The following DOCK3 variants were observed in gnomAD, a reference collection of about 807,000 sequenced individuals.
DOCK3 encodes dedicator of cytokinesis protein 3.
In DOCK3, 60 loss-of-function variants were observed where a neutral mutation model predicts 265.6. That is an observed-to-expected ratio of 0.23 (90% CI 0.18 to 0.28). The LOEUF is 0.28. DOCK3 is among the 10% of genes least tolerant of loss of function. The pLI is 1.00. For synonymous variants in DOCK3, 881 were observed against 938.0 expected (o/e 0.94, Z 1.11); for missense variants, 1,981 against 2,594.3 (o/e 0.76, Z 5.14).
At chr3:50,729,356 T>TTTA (rs145341949) in intron 1 of DOCK3, among the ~76,000 whole-genome samples, 5 of 141,734 alleles carry the variant, frequency 3.5e-5, no homozygotes, top group East Asian at 2.1e-4. Flanking sequence ...TTTATTTTTA[T>TTTA]TTTATTTATT....
At chr3:50,853,987 C>G (rs2046459200) in intron 3 of DOCK3, among the ~76,000 whole-genome samples, 1 of 151,574 alleles carries the variant, frequency 6.6e-6, no homozygotes, top group South Asian at 2.1e-4. Context: ...TATTATTTGA[C>G]TTTTTAATAA....
chr3:50,886,260 G>A (rs1340128214), intron 3 of DOCK3, among the ~76,000 whole-genome samples: 2 of 149,934 alleles, frequency 1.3e-5, no homozygotes, highest in Middle Eastern at 3.2e-3. Flanking sequence ...ATACTGAAAA[G>A]TATGTTTATT....
chr3:51,175,092 C>T (rs553061917), intron 12 of DOCK3, among the ~76,000 whole-genome samples: 1 of 152,314 alleles, frequency 6.6e-6, no homozygotes, highest in African/African-American at 2.4e-5. Context: ...GCAGGCAGGA[C>T]TAGCCCCAGA....
At chr3:50,900,561 T>G (rs2049135780) in intron 4 of DOCK3, 3 of 345,622 alleles carry the variant, frequency 8.7e-6, no homozygotes, top group Non-Finnish European at 1.7e-5. Flanking sequence ...GGCATTCTGA[T>G]TTTTGGAATT....
chr3:50,925,773 T>C (rs2050722286), intron 4 of DOCK3, among the ~76,000 whole-genome samples: 1 of 151,392 alleles, frequency 6.6e-6, no homozygotes, highest in African/African-American at 2.4e-5. Context: ...TAGGTAAAAC[T>C]GTTCTTAAAG....
intron 35 of DOCK3, among the ~76,000 whole-genome samples, chr3:51,336,502 G>T (rs1487125743): frequency 2.0e-5 from 3 of 152,128 alleles, no homozygotes; most frequent in Middle Eastern, 3.2e-3. Context: ...CACTGATGTA[G>T]TCCCCAGCCA....
Position 51,280,218 on chromosome 3 carries a change from C to T in DOCK3, c.2922+14C>T, listed in dbSNP as rs759689868. On this transcript the variant is annotated intron_variant, in intron 27 of 52. Transcript: ENST00000266037. Reference sequence around the variant, plus strand: ...GATGAACTCAAGGTAGGCAGTAGAACACCTTTCCTCTGGGAGAGGAAGTGT... The same window carrying T: ...GATGAACTCAAGGTAGGCAGTAGAATACCTTTCCTCTGGGAGAGGAAGTGT... The T allele has an allele frequency of 8.7e-6, 14 of 1,609,134 alleles. No homozygotes were observed. Among genetic ancestry groups the T allele is most frequent in the Non-Finnish European group, 1.1e-5 (13 of 1,176,838 alleles).
Position 51,016,644 on chromosome 3 carries a change from TTTA to T in DOCK3, c.316-47802_316-47800del, listed in dbSNP as rs1559944841. Among the ~76,000 whole-genome samples, 5 of 15,632 alleles carry T rather than the reference TTTA, an allele frequency of 3.2e-4. 1 individual carries two copies. The highest frequency in any genetic ancestry group is 3.9e-4 in the African/African-American group (1 of 2,546). 10.3% of individuals were successfully genotyped at this position (15,632 alleles called of 152,430 possible). ...ATATATATAATATATATGATATATA[TTTA>T]TATGTTTATATATATTATATGATAT... is the stretch of plus-strand genomic sequence containing the variant. On this transcript the variant is annotated intron_variant, in intron 5 of 52. Transcript: ENST00000266037.
chr3:51,144,790 T>C (rs1485252801), intron 9 of DOCK3, among the ~76,000 whole-genome samples: 1 of 152,190 alleles, frequency 6.6e-6, no homozygotes, highest in Non-Finnish European at 1.5e-5. Flanking sequence ...TAATAACAAT[T>C]TGTAGACGGA....
intron 5 of DOCK3, among the ~76,000 whole-genome samples, chr3:50,958,702 C>G (rs971119252): frequency 2.0e-5 from 3 of 152,108 alleles, no homozygotes; most frequent in Non-Finnish European, 4.4e-5. Context: ...CAAGGTTGCT[C>G]CACGTTGCTG....
chr3:51,207,884 A>G (rs1313399876), intron 12 of DOCK3, among the ~76,000 whole-genome samples: 1 of 151,872 alleles, frequency 6.6e-6, no homozygotes, highest in Non-Finnish European at 1.5e-5. Flanking sequence ...GGCTGTGGGA[A>G]CTCCCTAAGT....
chr3:51,331,736 T>A (rs548560649), intron 33 of DOCK3, among the ~76,000 whole-genome samples: 3 of 152,242 alleles, frequency 2.0e-5, no homozygotes, highest in African/African-American at 7.2e-5. Context: ...GGTGGGAGGA[T>A]TGCTTGAACC....
At chr3:50,814,316 G>T (rs1055785273) in intron 2 of DOCK3, among the ~76,000 whole-genome samples, 2 of 151,994 alleles carry the variant, frequency 1.3e-5, no homozygotes, top group African/African-American at 4.8e-5. Context: ...GCCCAGGCTG[G>T]AGTTCAGTGG....
chr3:51,110,484 A>T (rs1049307822), intron 9 of DOCK3, among the ~76,000 whole-genome samples: 1 of 152,170 alleles, frequency 6.6e-6, no homozygotes, highest in Non-Finnish European at 1.5e-5. Flanking sequence ...AAGCTTATCC[A>T]CTGTGATCAA....
intron 5 of DOCK3, among the ~76,000 whole-genome samples, chr3:50,996,783 T>G (rs921015084): frequency 2.6e-5 from 4 of 152,228 alleles, no homozygotes; most frequent in African/African-American, 9.6e-5. Context: ...CTTTTTAAAA[T>G]GCATACGGAA....
rs778328773 is a variant in DOCK3, at chr3:51,037,301, A to AT, written c.316-27138dup. 2.7e-3 allele frequency among the ~76,000 whole-genome samples: 410 copies of AT among 151,674 alleles called. 3 individuals carry two copies. Among genetic ancestry groups the AT allele is most frequent in the South Asian group, 5.6e-3 (27 of 4,794 alleles). ...GAAATGACCATTATCTTTATTTAAAATTTTTTTTTAATTCCATACGTTTTT... is the reference window on the plus strand; with the variant it reads ...GAAATGACCATTATCTTTATTTAAAATTTTTTTTTTAATTCCATACGTTTTT... On this transcript the variant is annotated intron_variant, in intron 5 of 52. Transcript: ENST00000266037.
At chr3:51,373,843 C>T (rs1212455545) in intron 49 of DOCK3, among the ~76,000 whole-genome samples, 2 of 152,230 alleles carry the variant, frequency 1.3e-5, no homozygotes, top group African/African-American at 2.4e-5. Flanking sequence ...AGCCCTGGCC[C>T]CCAGCCAGCC....
At chr3:50,787,014 T>C in intron 2 of DOCK3, 1 of 741,582 alleles carries the variant, frequency 1.3e-6, no homozygotes, top group Middle Eastern at 3.0e-4. Context: ...TAGAATTTTT[T>C]CTCACAAATT....
chr3:51,015,646 GTTTGGAAGTA>G lies in DOCK3; in HGVS notation c.316-48798_316-48789del, dbSNP rs2079121989. On this transcript the variant is annotated intron_variant, in intron 5 of 52. Coordinates refer to ENST00000266037, the MANE Select transcript of DOCK3 (RefSeq NM_004947.5). ...GGGTAATCCTGACCTTGTAGAATGA[GTTTGGAAGTA>G]TTTTGTTCACATTTGTTTTTTGGAA... Among the ~76,000 whole-genome samples, 4 of 143,990 alleles carry G rather than the reference GTTTGGAAGTA, an allele frequency of 2.8e-5. No individual in the cohort carries two copies. In the South Asian group the frequency reaches 8.7e-4, roughly 31 times the overall value. 94.5% of individuals were successfully genotyped at this position (143,990 alleles called of 152,430 possible). A position where few individuals can be genotyped will look rare whatever the true frequency, so the allele number is the denominator to read the frequency against.
Sources: allele counts gnomAD v4.1 joint callset (sites outside exome capture counted in the v4.1 genomes callset), GRCh38; gene constraint gnomAD v4.1.1; transcripts MANE v1.5; gene names NCBI Gene and HGNC (gene_info 2026-07-23, HGNC 2026-07-21).